The following EYS variants were observed in gnomAD, a reference collection of about 807,000 sequenced individuals.
The protein encoded by EYS is protein eyes shut homolog.
In EYS, 250 loss-of-function variants were observed where a neutral mutation model predicts 282.1. The observed-to-expected ratio is 0.89, with a 90% CI of 0.80 to 0.98. EYS has a LOEUF of 0.98. Ranked by LOEUF, EYS falls within the 50% of genes least tolerant of loss-of-function variation. The pLI is 0.00. For missense variants in EYS, 4,016 were observed against 3,709.0 expected (o/e 1.08, Z -2.15); for synonymous variants, 1,355 against 1,282.9 (o/e 1.06, Z -1.20).
chr6:63,881,834 G>A (rs1254422125), intron 35 of EYS, among the ~76,000 whole-genome samples: 1 of 152,034 alleles, frequency 6.6e-6, no homozygotes, highest in Non-Finnish European at 1.5e-5. Context: ...TCTAATTAAA[G>A]TAAAATAGAA....
chr6:64,820,608 A>G (rs1182530490), intron 21 of EYS, among the ~76,000 whole-genome samples: 1 of 152,184 alleles, frequency 6.6e-6, no homozygotes, highest in Non-Finnish European at 1.5e-5. Flanking sequence ...TGTGTCAGAA[A>G]ATGTGCTAAT....
At chr6:64,761,266 A>G (rs1332085437) in intron 22 of EYS, among the ~76,000 whole-genome samples, 2 of 152,124 alleles carry the variant, frequency 1.3e-5, no homozygotes, top group Admixed American at 6.5e-5. Flanking sequence ...TTTGAAGATC[A>G]ATCCTGAATC....
At chr6:64,967,262 C>T (rs1452495575) in intron 14 of EYS, among the ~76,000 whole-genome samples, 1 of 152,016 alleles carries the variant, frequency 6.6e-6, no homozygotes, top group Non-Finnish European at 1.5e-5. Context: ...TTTTACCATT[C>T]ATGGGACAAA....
chr6:65,652,954 C>G (rs1027479729), intron 1 of EYS, among the ~76,000 whole-genome samples: 2 of 151,754 alleles, frequency 1.3e-5, no homozygotes, highest in African/African-American at 4.8e-5. Context: ...CCAAATATCT[C>G]CCAGTAGGAA....
intron 35 of EYS, among the ~76,000 whole-genome samples, chr6:63,938,605 C>G (rs947984679): frequency 1.8e-4 from 27 of 152,224 alleles, no homozygotes; most frequent in Admixed American, 6.5e-4. Context: ...AAAATGTGAT[C>G]TGTAAATGAT....
intron 13 of EYS, among the ~76,000 whole-genome samples, chr6:65,017,885 A>G (rs1345805106): frequency 6.6e-6 from 1 of 152,106 alleles, no homozygotes; most frequent in Admixed American, 6.6e-5. Context: ...GTAGAGGCCA[A>G]ACTTCCTGGA....
At chr6:65,424,177 G>T (rs1336085026) in intron 5 of EYS, among the ~76,000 whole-genome samples, 1 of 151,828 alleles carries the variant, frequency 6.6e-6, no homozygotes, top group African/African-American at 2.4e-5. Flanking sequence ...TTCTTTCTTG[G>T]TAGGGTGCAC....
chr6:65,159,367 T>C (rs1341329481), intron 12 of EYS, among the ~76,000 whole-genome samples: 1 of 150,868 alleles, frequency 6.6e-6, no homozygotes, highest in Non-Finnish European at 1.5e-5. Context: ...AGGTATGTCA[T>C]ACTACCTAAT....
intron 22 of EYS, among the ~76,000 whole-genome samples, chr6:64,764,560 CT>C (rs1445615676): frequency 6.6e-6 from 1 of 152,224 alleles, no homozygotes; most frequent in Non-Finnish European, 1.5e-5. Context: ...ATGAATGTCT[CT>C]GAAATGCCCT....
At chr6:64,038,518 C>A (rs999674149) in intron 33 of EYS, among the ~76,000 whole-genome samples, 5 of 151,904 alleles carry the variant, frequency 3.3e-5, no homozygotes, top group African/African-American at 1.2e-4. Context: ...CTTTTAATAT[C>A]CACATTCCTA....
At chr6:64,173,336 GA>G (rs199516551) in intron 31 of EYS, among the ~76,000 whole-genome samples, 2,293 of 152,230 alleles carry the variant, frequency 0.015, 17 homozygotes, top group East Asian at 0.034. Context: ...AACTTTGTGG[GA>G]AAAAATTCAG....
intron 13 of EYS, among the ~76,000 whole-genome samples, chr6:65,025,856 A>C (rs1479373593): frequency 6.6e-6 from 1 of 152,208 alleles, no homozygotes; most frequent in East Asian, 1.9e-4. Context: ...GATACAAAGG[A>C]GGACCATTAG....
intron 14 of EYS, among the ~76,000 whole-genome samples, chr6:64,979,814 A>G (rs193175279): frequency 6.6e-6 from 1 of 151,798 alleles, no homozygotes; most frequent in Non-Finnish European, 1.5e-5. Context: ...ATATTTTAAA[A>G]GATATACTAT....
rs995562822 is a variant in EYS at position 65,403,102 on chromosome 6, C to T, written c.1057-497G>A. The stretch of plus-strand genomic sequence containing the variant: ...ATGAAGTCCAAGTCTAGACACTTTC[C>T]GATGGCAACCTCAGAGGGACTCTAA... On this transcript the variant is annotated intron_variant, in intron 6 of 42. Coordinates refer to ENST00000503581, the MANE Select transcript of EYS (RefSeq NM_001142800.2). Among the ~76,000 whole-genome samples the T allele has an allele frequency of 9.2e-5, 14 of 151,974 alleles. 1 individual carries two copies. In the East Asian group the frequency reaches 1.4e-3, roughly 15 times the overall value.
intron 19 of EYS, among the ~76,000 whole-genome samples, chr6:64,868,202 C>T (rs1474110896): frequency 6.6e-6 from 1 of 151,318 alleles, no homozygotes; most frequent in Non-Finnish European, 1.5e-5. Flanking sequence ...TTTTTAAATA[C>T]TTATTGAACC....
intron 26 of EYS, among the ~76,000 whole-genome samples, chr6:64,540,141 G>A (rs1764655857): frequency 6.6e-6 from 1 of 152,182 alleles, no homozygotes; most frequent in African/African-American, 2.4e-5. Flanking sequence ...AAAAGCTGCT[G>A]TCAGCTGCCT....
intron 12 of EYS, among the ~76,000 whole-genome samples, chr6:65,105,481 G>A (rs1022609274): frequency 1.8e-4 from 28 of 151,646 alleles, no homozygotes; most frequent in African/African-American, 4.4e-4. Context: ...ATAAACATGC[G>A]TTATGGTTTT....
Position 63,829,890 on chromosome 6 carries a change from C to T in EYS, c.7229-23518G>A, listed in dbSNP as rs187736620. 6.6e-5 allele frequency among the ~76,000 whole-genome samples: 10 copies of T among 152,298 alleles called. No homozygotes were observed. In the East Asian group the frequency reaches 7.7e-4, roughly 12 times the overall value. On this transcript the variant is annotated intron_variant, in intron 36 of 42. Transcript: ENST00000503581. ...TTCCAGAGGAAGGATCAGGCAGCAACGTCTGCCATTCTGCAATATTTGCTG... is the reference window on the plus strand; with the variant it reads ...TTCCAGAGGAAGGATCAGGCAGCAATGTCTGCCATTCTGCAATATTTGCTG...
At chr6:63,822,011 T>G (rs1481721298) in intron 36 of EYS, 2 of 152,256 alleles carry the variant, frequency 1.3e-5, no homozygotes, top group African/African-American at 4.8e-5. Flanking sequence ...AAGGGCCATG[T>G]GCTGTAGGTA....
Sources: allele counts gnomAD v4.1 joint callset (sites outside exome capture counted in the v4.1 genomes callset), GRCh38; gene constraint gnomAD v4.1.1; transcripts MANE v1.5; gene names NCBI Gene and HGNC (gene_info 2026-07-23, HGNC 2026-07-21).